COLEC10: variants seen among roughly 807,000 people sequenced by gnomAD.
COLEC10 encodes collectin subfamily member 10.
COLEC10 carries 22 observed loss-of-function variants against 28.4 expected under a neutral mutation model. That is an observed-to-expected ratio of 0.78 (90% confidence interval 0.55 to 1.11). COLEC10 has a LOEUF of 1.11. Among genes scored for constraint, COLEC10 ranks in the 50% least tolerant of loss-of-function variants. The pLI is 0.00. For missense variants in COLEC10, 361 were observed against 344.1 expected, an observed-to-expected ratio of 1.05 and a Z score of -0.39; for synonymous variants, 125 against 116.1, an observed-to-expected ratio of 1.08 and a Z score of -0.49.
At chr8:119,039,687 C>T (rs1018292730) in intron 2 of COLEC10, among the ~76,000 whole-genome samples, 1 of 152,170 alleles carries the variant, frequency 6.6e-6, no homozygotes, top group Non-Finnish European at 1.5e-5. Flanking sequence ...AGTCTCTGTT[C>T]TGAAGGTTCT....
chr8:119,095,809 CAA>C (rs942534491), intron 3 of COLEC10, among the ~76,000 whole-genome samples: 4 of 152,072 alleles, frequency 2.6e-5, no homozygotes, highest in Non-Finnish European at 4.4e-5. Context: ...CAAAAATACC[CAA>C]GACAATTTTG....
chr8:118,957,366 GA>G, the COLEC10 span, among the ~76,000 whole-genome samples: 1 of 152,224 alleles, frequency 6.6e-6, no homozygotes, highest in Admixed American at 6.5e-5. Context: ...TGACGGCTAT[GA>G]AGGCCTACTT....
At chr8:118,961,072 GC>G in the COLEC10 span, among the ~76,000 whole-genome samples, 2 of 152,070 alleles carry the variant, frequency 1.3e-5, no homozygotes, top group Non-Finnish European at 2.9e-5. Flanking sequence ...TTTGTATGGT[GC>G]TTTTAACCAA....
the COLEC10 span, among the ~76,000 whole-genome samples, chr8:118,982,133 T>C: frequency 6.6e-6 from 1 of 152,286 alleles, no homozygotes; most frequent in East Asian, 1.9e-4. Context: ...TTCTGATTGC[T>C]AAGGATTTAA....
intron 1 of COLEC10, among the ~76,000 whole-genome samples, chr8:119,001,451 C>G (rs1813698417): frequency 6.6e-6 from 1 of 152,132 alleles, no homozygotes; most frequent in African/African-American, 2.4e-5. Flanking sequence ...AACCCTGTCT[C>G]TGGCCATAAC....
At chr8:119,021,131 G>A (rs1814083574) in intron 2 of COLEC10, among the ~76,000 whole-genome samples, 1 of 152,152 alleles carries the variant, frequency 6.6e-6, no homozygotes. Flanking sequence ...AAAATTCTGA[G>A]AGAGCAAATT....
intron 2 of COLEC10, among the ~76,000 whole-genome samples, chr8:119,023,164 G>A (rs1814128443): frequency 6.6e-6 from 1 of 152,044 alleles, no homozygotes; most frequent in Admixed American, 6.6e-5. Flanking sequence ...CCTGCTTTCT[G>A]ATTTTACTTA....
intron 2 of COLEC10, among the ~76,000 whole-genome samples, chr8:119,056,166 G>A (rs1360935014): frequency 3.3e-5 from 5 of 151,868 alleles, no homozygotes; most frequent in Admixed American, 2.6e-4. Flanking sequence ...TTAATACCTC[G>A]AATTGATTTG....
the COLEC10 span, among the ~76,000 whole-genome samples, chr8:118,983,764 C>T: frequency 2.6e-5 from 4 of 152,152 alleles, no homozygotes; most frequent in African/African-American, 9.6e-5. Context: ...AAGGTAAATG[C>T]AAATCAAAAC....
Position 119,106,093 on chromosome 8 carries a change from G to A in COLEC10, c.736G>A (p.Glu246Lys). 1 of 1,613,916 alleles carries A rather than the reference G, an allele frequency of 6.2e-7. No individual in the cohort carries two copies. The highest frequency in any genetic ancestry group is 8.5e-7 in the Non-Finnish European group (1 of 1,179,856). The change falls in exon 6 of 6, where the codon GAG becomes AAG. Residue 246 changes from glutamate (E) to lysine (K), a missense_variant. Physicochemically the swap from Glu to Lys is moderately conservative, Grantham distance 56. Coordinates refer to ENST00000332843, the MANE Select transcript of COLEC10 (RefSeq NM_006438.5). ...EGEPSDPYGH[E>K]DCVEMLSSGR... Reference sequence around the variant, plus strand: ...GGAACCCAGCGACCCCTATGGTCATGAGGACTGTGTGGAGATGCTGAGCTC... The same window carrying A: ...GGAACCCAGCGACCCCTATGGTCATAAGGACTGTGTGGAGATGCTGAGCTC...
intron 3 of COLEC10, among the ~76,000 whole-genome samples, chr8:119,092,625 G>C (rs753320253): frequency 1.3e-5 from 2 of 152,146 alleles, no homozygotes; most frequent in Non-Finnish European, 2.9e-5. Flanking sequence ...AGAATTAGAG[G>C]CCGGATGCAG....
the COLEC10 span, among the ~76,000 whole-genome samples, chr8:118,970,895 G>A: frequency 6.6e-6 from 1 of 151,948 alleles, no homozygotes; most frequent in Non-Finnish European, 1.5e-5. Flanking sequence ...CAAATCATTA[G>A]AATCAGAACC....
At chr8:119,089,334 T>C (rs1198787693) in intron 1 of COLEC10, among the ~76,000 whole-genome samples, 1 of 152,122 alleles carries the variant, frequency 6.6e-6, no homozygotes, top group Non-Finnish European at 1.5e-5. Context: ...TGTGTGTGTG[T>C]GTGTGCGTGT....
At chr8:118,984,812 C>T in the COLEC10 span, among the ~76,000 whole-genome samples, 1 of 152,140 alleles carries the variant, frequency 6.6e-6, no homozygotes, top group Non-Finnish European at 1.5e-5. Flanking sequence ...ATAGAGAACT[C>T]ACAGTTCCAT....
intron 2 of COLEC10, among the ~76,000 whole-genome samples, chr8:119,045,525 G>A (rs931213293): frequency 3.3e-5 from 5 of 152,160 alleles, no homozygotes; most frequent in African/African-American, 9.7e-5. Context: ...GTTGATTGCT[G>A]AATTTTAATA....
intron 1 of COLEC10, among the ~76,000 whole-genome samples, chr8:119,005,748 T>C (rs574682885): frequency 3.9e-5 from 6 of 152,288 alleles, no homozygotes; most frequent in Admixed American, 2.6e-4. Context: ...GCTAAAATTT[T>C]ATCACTTGTG....
At chr8:119,081,010 T>G (rs1375078824) in intron 1 of COLEC10, among the ~76,000 whole-genome samples, 3 of 152,122 alleles carry the variant, frequency 2.0e-5, no homozygotes, top group African/African-American at 7.2e-5. Flanking sequence ...TTTTAATCGG[T>G]CCCATGATGA....
upstream of COLEC10, among the ~76,000 whole-genome samples, chr8:118,992,077 C>T (rs1806218436): frequency 6.6e-6 from 1 of 152,070 alleles, no homozygotes; most frequent in South Asian, 2.1e-4. Flanking sequence ...CATTAAACTT[C>T]TCTGAGTCTC....
the COLEC10 span, among the ~76,000 whole-genome samples, chr8:118,954,878 A>G: frequency 0.023 from 3,490 of 152,318 alleles, 124 homozygotes; most frequent in African/African-American, 0.078. Flanking sequence ...ATGGTCATTT[A>G]TAATCATCAT....
Sources: gnomAD v4.1 joint callset for allele counts (sites outside exome capture counted in the v4.1 genomes callset) on GRCh38, gnomAD v4.1.1 for gene constraint, MANE v1.5 for transcripts, NCBI Gene and HGNC (gene_info 2026-07-23, HGNC 2026-07-21) for gene names.